DPYSL2: variants seen among roughly 807,000 people sequenced by gnomAD.
The protein encoded by DPYSL2 is dihydropyrimidinase-related protein 2.
A neutral mutation model predicts 69.9 loss-of-function variants in DPYSL2; 13 were observed. The ratio of observed to expected loss-of-function variants is 0.19; its 90% CI spans 0.12 to 0.30. The LOEUF is 0.30. Among genes scored for constraint, DPYSL2 ranks in the 10% least tolerant of loss-of-function variants. The pLI is 1.00. For missense variants in DPYSL2, 587 were observed against 918.9 expected, an observed-to-expected ratio of 0.64 and a Z score of 4.67; for synonymous variants, 326 against 359.1, an observed-to-expected ratio of 0.91 and a Z score of 1.04.
Position 26,598,382 on chromosome 8 carries a change from C to T in DPYSL2, c.628+14399C>T, listed in dbSNP as rs1399028165. ...TTTTAGAGCTCCTCCTCTCCATCTC[C>T]TGAATTTCTTTTCTTGCTAAGCCTA... On this transcript the variant is annotated intron_variant, in intron 3 of 13. Coordinates refer to ENST00000521913, the MANE Select transcript of DPYSL2 (RefSeq NM_001197293.3). This position sits in a 1 kb window ranked among gnomAD's most constrained non-coding sequence, Gnocchi z 4.2. Among the ~76,000 whole-genome samples the T allele has an allele frequency of 6.6e-6, 1 of 152,174 alleles. No individual in the cohort carries two copies. Among genetic ancestry groups the T allele is most frequent in the Admixed American group, 6.5e-5 (1 of 15,272 alleles).
chr8:26,598,675 T>C lies in DPYSL2; in HGVS notation c.628+14692T>C, dbSNP rs781588798. Reference sequence around the variant, plus strand: ...GCACAAAGTACTTTGAAATAAAGATTGGCTCGCAGGGCAGGTTGAAGCTTC... The same window carrying C: ...GCACAAAGTACTTTGAAATAAAGATCGGCTCGCAGGGCAGGTTGAAGCTTC... On this transcript the variant is annotated intron_variant, in intron 3 of 13. Transcript: ENST00000521913. The surrounding 1 kb of genome is among the most constrained non-coding windows in gnomAD (Gnocchi z 4.2). 1.1e-4 allele frequency among the ~76,000 whole-genome samples: 16 copies of C among 152,198 alleles called. No individual in the cohort carries two copies. The highest frequency in any genetic ancestry group is 1.8e-4 in the Non-Finnish European group (12 of 68,024).
chr8:26,602,138 ATTT>A (rs374443692), intron 3 of DPYSL2, among the ~76,000 whole-genome samples: 2,832 of 135,268 alleles, frequency 0.021, 32 homozygotes, highest in Middle Eastern at 0.071. Flanking sequence ...AACAAAGGAA[ATTT>A]TTTTTTTTTT....
intron 1 of DPYSL2, among the ~76,000 whole-genome samples, chr8:26,579,965 C>CCCA (rs1491352125): frequency 1.1e-5 from 1 of 92,396 alleles, no homozygotes; most frequent in African/African-American, 3.8e-5. Context: ...CCCCCCCCCC[C>CCCA]ACACCCTTTA....
chr8:26,548,330 G>A (rs1322829168), intron 1 of DPYSL2: 1 of 242,276 alleles, frequency 4.1e-6, no homozygotes, highest in East Asian at 1.2e-4. Flanking sequence ...TCTATGCTGA[G>A]CTTTATCATA....
At position 26,582,856 on chromosome 8, in the gene DPYSL2, G is replaced by C. The variant is rs1359924812; in HGVS notation, c.443+799G>C. 6.6e-6 allele frequency among the ~76,000 whole-genome samples: 1 copy of C among 152,218 alleles called. No individual in the cohort carries two copies. Among genetic ancestry groups the C allele is most frequent in the African/African-American group, 2.4e-5 (1 of 41,444 alleles). ...ACCGGTCCAGAGGAGTGGAAAACTG[G>C]AGTGGCTGTGACTGTTGCCTGGGAG... On this transcript the variant is annotated intron_variant, in intron 2 of 13. Transcript: ENST00000521913. This position sits in a 1 kb window ranked among gnomAD's most constrained non-coding sequence, Gnocchi z 4.1.
In DPYSL2 at chr8:26,621,648, A is replaced by G. The variant is rs1020822459; in HGVS notation, c.629-2495A>G. Among the ~76,000 whole-genome samples, 6 of 152,172 alleles carry G rather than the reference A, an allele frequency of 3.9e-5. No homozygotes were observed. Among genetic ancestry groups the G allele is most frequent in the African/African-American group, 1.4e-4 (6 of 41,430 alleles). ...CGATGCCACCCTGGGATGGTGACAT[A>G]TAGCCCCAGTGAGAAGGATGAGGAG... On this transcript the variant is annotated intron_variant, in intron 3 of 13. Transcript: ENST00000521913. This position sits in a 1 kb window ranked among gnomAD's most constrained non-coding sequence, Gnocchi z 4.9.
chr8:26,632,664 C>T (rs1183792819), intron 7 of DPYSL2, among the ~76,000 whole-genome samples: 1 of 152,138 alleles, frequency 6.6e-6, no homozygotes, highest in Non-Finnish European at 1.5e-5. Context: ...CATGGCGAAA[C>T]CCCGTGTTGG....
In DPYSL2 at chr8:26,562,526, G is replaced by A. The variant is rs964117912; in HGVS notation, c.355-19443G>A. Among the ~76,000 whole-genome samples the A allele has an allele frequency of 6.6e-6, 1 of 152,120 alleles. No homozygotes were observed. The highest frequency in any genetic ancestry group is 1.5e-5 in the Non-Finnish European group (1 of 68,018). On this transcript the variant is annotated intron_variant, in intron 1 of 13. Transcript: ENST00000521913. The surrounding 1 kb of genome is among the most constrained non-coding windows in gnomAD (Gnocchi z 4.9). ...CTGGAATAATATATAAAAAGTATTG[G>A]TCAGATTTTGTTGTTCCCGATTAGA...
In DPYSL2 at chr8:26,644,824, T is replaced by C. The variant is rs553986479; in HGVS notation, c.1425+733T>C. On this transcript the variant is annotated intron_variant, in intron 10 of 13. Transcript: ENST00000521913. This position sits in a 1 kb window ranked among gnomAD's most constrained non-coding sequence, Gnocchi z 4.5. ...CATGTCTTCTACTGCCAGCTTCCAG[T>C]AGGCCTGCTATGAACATACACTGAC... Among the ~76,000 whole-genome samples the C allele has an allele frequency of 1.3e-5, 2 of 152,316 alleles. No individual in the cohort carries two copies. Among genetic ancestry groups the C allele is most frequent in the South Asian group, 2.1e-4 (1 of 4,828 alleles).
In DPYSL2 at chr8:26,647,253, A is replaced by G. The variant is rs1172409607; in HGVS notation, c.1426-377A>G. 1.3e-5 allele frequency among the ~76,000 whole-genome samples: 2 copies of G among 152,244 alleles called. No homozygotes were observed. Among genetic ancestry groups the G allele is most frequent in the Non-Finnish European group, 2.9e-5 (2 of 68,040 alleles). On this transcript the variant is annotated intron_variant, in intron 10 of 13. Transcript: ENST00000521913. The surrounding 1 kb of genome is among the most constrained non-coding windows in gnomAD (Gnocchi z 5.1). ...TCAAAACCAGGACACTGACAGTGTC[A>G]CAATGTGTGGGTATAGCTCTAGGCT...
chr8:26,545,697 G>A (rs749000094), intron 1 of DPYSL2, among the ~76,000 whole-genome samples: 1 of 152,014 alleles, frequency 6.6e-6, no homozygotes, highest in African/African-American at 2.4e-5. Context: ...AACCCGGGAG[G>A]CAGAGGTTGC....
In DPYSL2 at chr8:26,578,196, T is replaced by C. The variant is rs993322407; in HGVS notation, c.355-3773T>C. 3.1e-6 allele frequency: 5 copies of C among 1,612,048 alleles called. No individual in the cohort carries two copies. The African/African-American group carries it at 6.7e-5, about 22-fold the overall frequency. ...AAAACAAAAAAAACCCAAGTCCCCT[T>C]CCCGGCAGTTTTTGCCTTAAAGCTG... is the stretch of plus-strand genomic sequence containing the variant. On this transcript the variant is annotated intron_variant, in intron 1 of 13. Transcript: ENST00000521913.
chr8:26,578,012 TCTCTC>T, intron 1 of DPYSL2: 1 of 1,386,078 alleles, frequency 7.2e-7, no homozygotes. Context: ...TCTCTCTCTC[TCTCTC>T]TTTTTTTTCC....
At chr8:26,615,015 G>A (rs972761742) in intron 3 of DPYSL2, among the ~76,000 whole-genome samples, 3 of 152,242 alleles carry the variant, frequency 2.0e-5, no homozygotes, top group South Asian at 2.1e-4. Flanking sequence ...CCAAGGCCAC[G>A]TGGTTGACCA....
intron 1 of DPYSL2, among the ~76,000 whole-genome samples, chr8:26,524,258 TTTGTCTCA>T (rs139430339): frequency 0.019 from 2,895 of 152,284 alleles, 80 homozygotes; most frequent in African/African-American, 0.064. Flanking sequence ...TCATTGTGGT[TTTGTCTCA>T]TTGTTGAGCA....
At chr8:26,567,512 C>T (rs951947507) in intron 1 of DPYSL2, among the ~76,000 whole-genome samples, 3 of 152,242 alleles carry the variant, frequency 2.0e-5, no homozygotes, top group Non-Finnish European at 4.4e-5. Context: ...TAGTCTCTGT[C>T]TTCAAGATGC....
intron 1 of DPYSL2, among the ~76,000 whole-genome samples, chr8:26,579,697 GCTT>G (rs1209644034): frequency 2.0e-5 from 3 of 152,146 alleles, no homozygotes; most frequent in Admixed American, 1.3e-4. Context: ...AAGGGCGCTA[GCTT>G]CTTCTTGAAG....
At chr8:26,569,123 G>A (rs996618972) in intron 1 of DPYSL2, among the ~76,000 whole-genome samples, 2 of 152,078 alleles carry the variant, frequency 1.3e-5, no homozygotes, top group African/African-American at 4.8e-5. Flanking sequence ...TTGGGAGGCC[G>A]AGACAGGAGG....
chr8:26,600,989 C>A (rs1801977612), intron 3 of DPYSL2, among the ~76,000 whole-genome samples: 1 of 152,206 alleles, frequency 6.6e-6, no homozygotes, highest in Non-Finnish European at 1.5e-5. Flanking sequence ...CAGTGTCACC[C>A]TTCTGACAGC....
Sources: allele counts gnomAD v4.1 joint callset (sites outside exome capture counted in the v4.1 genomes callset), GRCh38; gene constraint gnomAD v4.1.1; non-coding constraint Gnocchi (gnomAD v3.1); transcripts MANE v1.5; gene names NCBI Gene and HGNC (gene_info 2026-07-23, HGNC 2026-07-21).